The following IQSEC1 variants were observed in gnomAD, a reference collection of about 807,000 sequenced individuals.
The protein encoded by IQSEC1 is IQ motif and Sec7 domain ArfGEF 1.
Under a neutral mutation model 91.0 loss-of-function variants are expected in IQSEC1, and 31 were observed. That is an observed-to-expected ratio of 0.34 (90% CI 0.26 to 0.46). IQSEC1 has a LOEUF of 0.46. IQSEC1 is among the 20% of genes least tolerant of loss of function. The pLI is 1.00. For missense variants in IQSEC1, 1,388 were observed against 1,575.6 expected (o/e 0.88, Z 2.02); for synonymous variants, 699 against 662.6 (o/e 1.05, Z -0.84).
intron 1 of IQSEC1, chr3:13,052,926 T>C: frequency 1.1e-6 from 1 of 905,336 alleles, no homozygotes; most frequent in Non-Finnish European, 1.8e-6. Context: ...ATTGTGACCT[T>C]GAGACAGCAT....
chr3:13,217,094 T>A (rs775020239), intron 1 of IQSEC1, among the ~76,000 whole-genome samples: 23 of 150,896 alleles, frequency 1.5e-4, no homozygotes, highest in South Asian at 8.4e-4. Context: ...TTAGTGCTTT[T>A]AAAAAAAAAA....
chr3:13,265,256 C>T (rs1268609887), intron 1 of IQSEC1, among the ~76,000 whole-genome samples: 1 of 152,212 alleles, frequency 6.6e-6, no homozygotes, highest in African/African-American at 2.4e-5. Flanking sequence ...GACAAGACAC[C>T]CAGCATCCCC....
Position 13,203,677 on chromosome 3 carries a change from TG to T in IQSEC1, c.273-39545del, listed in dbSNP as rs563214729. 3.0e-3 allele frequency among the ~76,000 whole-genome samples: 455 copies of T among 152,170 alleles called. 4 individuals carry two copies. The highest frequency in any genetic ancestry group is 4.2e-3 in the Non-Finnish European group (287 of 67,990). On this transcript the variant is annotated intron_variant, in intron 1 of 15. Coordinates refer to the IQSEC1 transcript ENST00000648114. ...TCACACGCGCACAGAGAGGACGTGG[TG>T]GGTCTCAAAGCAAGTCAGGGAGCCC...
rs192722730 is a variant in IQSEC1, at chr3:13,196,248, G to A, written c.273-32115C>T. ...AGGATGCCAACATCGACCGAGACAC[G>A]TTAGTGACAGAGCCTTCAGGTGACC... On this transcript the variant is annotated intron_variant, in intron 1 of 15. Coordinates refer to the IQSEC1 transcript ENST00000648114. 2.3e-3 allele frequency among the ~76,000 whole-genome samples: 352 copies of A among 152,304 alleles called. 1 individual carries two copies. The highest frequency in any genetic ancestry group is 6.8e-3 in the African/African-American group (284 of 41,560).
intron 1 of IQSEC1, among the ~76,000 whole-genome samples, chr3:13,249,754 A>C (rs926134549): frequency 5.3e-5 from 8 of 152,184 alleles, no homozygotes; most frequent in African/African-American, 1.7e-4. Flanking sequence ...ATGGATGGGC[A>C]CAAGCACAGG....
rs1041365242 is a variant in IQSEC1, at chr3:12,967,504, G to A, written c.24-25639C>T. On this transcript the variant is annotated intron_variant, in intron 1 of 13. Transcript: ENST00000613206. The surrounding 1 kb of genome is among the most constrained non-coding windows in gnomAD (Gnocchi z 5.9). Reference sequence around the variant, plus strand: ...CGGGAGCCGGGACCCAGGCCCAGCAGAGGCCGCCGACTCCCGCCAGCGAGC... The same window carrying A: ...CGGGAGCCGGGACCCAGGCCCAGCAAAGGCCGCCGACTCCCGCCAGCGAGC... The A allele has an allele frequency of 2.4e-5, 34 of 1,439,024 alleles. No individual in the cohort carries two copies. In the South Asian group the frequency reaches 4.1e-4, roughly 17 times the overall value. 89.1% of individuals were successfully genotyped at this position (1,439,024 alleles called of 1,614,324 possible). A position where few individuals can be genotyped will look rare whatever the true frequency, so the allele number is the denominator to read the frequency against.
intron 1 of IQSEC1, among the ~76,000 whole-genome samples, chr3:13,030,527 G>T (rs1050664132): frequency 6.6e-6 from 1 of 152,212 alleles, no homozygotes; most frequent in East Asian, 1.9e-4. Context: ...CTAACTCCCA[G>T]TTAACAGGAA....
chr3:12,941,247 G>GC (rs1390234752), intron 2 of IQSEC1, among the ~76,000 whole-genome samples: 3 of 152,158 alleles, frequency 2.0e-5, no homozygotes, highest in African/African-American at 7.2e-5. Flanking sequence ...ACCTATCATG[G>GC]CCCCCCAGAT....
At chr3:12,907,925 C>A (rs1034296238) in intron 12 of IQSEC1, among the ~76,000 whole-genome samples, 1 of 152,252 alleles carries the variant, frequency 6.6e-6, no homozygotes, top group African/African-American at 2.4e-5. Context: ...GGACAGTGGG[C>A]AAGGGGGCGC....
intron 2 of IQSEC1, among the ~76,000 whole-genome samples, chr3:13,092,291 G>A (rs145390683): frequency 6.6e-6 from 1 of 152,298 alleles, no homozygotes; most frequent in East Asian, 1.9e-4. Context: ...TCTGGGGTTA[G>A]TACAGCTCAA....
intron 1 of IQSEC1, among the ~76,000 whole-genome samples, chr3:13,063,505 G>A (rs2125093831): frequency 6.6e-6 from 1 of 152,280 alleles, no homozygotes; most frequent in Admixed American, 6.5e-5. Flanking sequence ...GGGCAGGAGT[G>A]GCCGTCAGCA....
intron 1 of IQSEC1, among the ~76,000 whole-genome samples, chr3:13,038,403 A>T (rs1704125077): frequency 6.6e-6 from 1 of 151,392 alleles, no homozygotes; most frequent in African/African-American, 2.4e-5. Flanking sequence ...ACAGAAAAAC[A>T]AAATATCACA....
Position 12,899,573 on chromosome 3 carries a change from G to GC in IQSEC1, c.*1409_*1410insG. On this transcript the variant is annotated 3_prime_UTR_variant, in exon 14 of 14. Coordinates refer to ENST00000613206, the MANE Select transcript of IQSEC1 (RefSeq NM_001134382.3). ...TCATGTGATGCCCTGGCAGCTCACT[G>GC]GACCATGGGAAGGCAGCGGGGGCTC... 2.0e-6 allele frequency: 3 copies of GC among 1,481,264 alleles called. No homozygotes were observed. The highest frequency in any genetic ancestry group is 4.7e-5 in the Admixed American group (2 of 42,390). The allele number at this position is 1,481,264 out of a possible 1,614,324, so 91.8% of individuals were successfully genotyped here. A position where few individuals can be genotyped will look rare whatever the true frequency, so the allele number is the denominator to read the frequency against.
chr3:13,127,183 C>A (rs1439644363), intron 2 of IQSEC1, among the ~76,000 whole-genome samples: 1 of 152,062 alleles, frequency 6.6e-6, no homozygotes, highest in African/African-American at 2.4e-5. Context: ...GAGGCCGAGG[C>A]AGGTGGATCA....
chr3:13,173,229 A>G (rs1693652404), intron 1 of IQSEC1, among the ~76,000 whole-genome samples: 1 of 152,226 alleles, frequency 6.6e-6, no homozygotes, highest in Non-Finnish European at 1.5e-5. Flanking sequence ...TGGGATGGCC[A>G]CATGGCTGGG....
intron 2 of IQSEC1, among the ~76,000 whole-genome samples, chr3:13,110,322 G>C (rs1475420927): frequency 6.6e-6 from 1 of 151,988 alleles, no homozygotes; most frequent in Non-Finnish European, 1.5e-5. Context: ...CGGGCGCGGT[G>C]GCTCACACCT....
At chr3:13,030,302 C>T (rs1034561823) in intron 1 of IQSEC1, among the ~76,000 whole-genome samples, 1 of 152,124 alleles carries the variant, frequency 6.6e-6, no homozygotes, top group Non-Finnish European at 1.5e-5. Context: ...TTGCCATATC[C>T]GCCAGGCTGG....
chr3:13,022,311 C>T, intron 1 of IQSEC1: 5 of 1,209,306 alleles, frequency 4.1e-6, no homozygotes, highest in Non-Finnish European at 4.1e-6. Flanking sequence ...CCACAGGCCC[C>T]ACTATCCACC....
chr3:13,063,471 A>G (rs1378181574), intron 1 of IQSEC1, among the ~76,000 whole-genome samples: 1 of 152,178 alleles, frequency 6.6e-6, no homozygotes, highest in African/African-American at 2.4e-5. Context: ...GTCATCAGGA[A>G]TGCTGCGGGC....
Sources: gnomAD v4.1 joint callset for allele counts (sites outside exome capture counted in the v4.1 genomes callset) on GRCh38, gnomAD v4.1.1 for gene constraint, Gnocchi (gnomAD v3.1) non-coding constraint, MANE v1.5 for transcripts, NCBI Gene and HGNC (gene_info 2026-07-23, HGNC 2026-07-21) for gene names.